Variants in DLG2 observed in about 807,000 individuals in gnomAD.
The protein encoded by DLG2 is discs large MAGUK scaffold protein 2.
A neutral mutation model predicts 132.5 loss-of-function variants in DLG2; 45 were observed. The ratio of observed to expected loss-of-function variants is 0.34; its 90% CI spans 0.27 to 0.44. The LOEUF (loss-of-function observed/expected upper bound fraction) is 0.44, where lower values mean the gene tolerates loss of function less well. DLG2 is among the 20% of genes least tolerant of loss of function. DLG2 has a pLI of 1.00. For synonymous variants in DLG2, 424 were observed against 419.6 expected (o/e 1.01, Z -0.13); for missense variants, 1,045 against 1,196.9 (o/e 0.87, Z 1.87).
intron 6 of DLG2, among the ~76,000 whole-genome samples, chr11:84,836,110 C>G (rs1181089562): frequency 6.6e-6 from 1 of 151,712 alleles, no homozygotes; most frequent in Non-Finnish European, 1.5e-5. Context: ...GCTCAGCTCT[C>G]TCATTATCTC....
chr11:84,743,971 G>T (rs1485089821), intron 6 of DLG2, among the ~76,000 whole-genome samples: 1 of 152,072 alleles, frequency 6.6e-6, no homozygotes, highest in Non-Finnish European at 1.5e-5. Flanking sequence ...TGATCCACCT[G>T]TCTCGGCCTC....
intron 7 of DLG2, among the ~76,000 whole-genome samples, chr11:84,312,624 C>T (rs1394523462): frequency 6.6e-6 from 1 of 152,012 alleles, no homozygotes; most frequent in Non-Finnish European, 1.5e-5. Context: ...TGGTTATCTG[C>T]AGCACTCTCT....
rs1235464150 is a variant in DLG2 at position 85,100,459 on chromosome 11, GA to G, written c.357+11201del. Among the ~76,000 whole-genome samples the G allele has an allele frequency of 2.0e-5, 3 of 152,230 alleles. No homozygotes were observed. The East Asian group carries it at 5.8e-4, about 29-fold the overall frequency. ...TATTGAAAGGTCATATGGCTGGTGA[GA>G]AAAAGACGATTTTAACAAGGTCTGC... is the stretch of plus-strand genomic sequence containing the variant. On this transcript the variant is annotated intron_variant, in intron 6 of 27. Transcript: ENST00000376104.
At chr11:83,806,377 C>T (rs950647575) in intron 17 of DLG2, among the ~76,000 whole-genome samples, 5 of 152,116 alleles carry the variant, frequency 3.3e-5, no homozygotes, top group African/African-American at 1.2e-4. Flanking sequence ...GACAAATTAA[C>T]TCTATACACT....
At chr11:83,538,863 C>G (rs943509515) in intron 20 of DLG2, among the ~76,000 whole-genome samples, 1 of 152,182 alleles carries the variant, frequency 6.6e-6, no homozygotes, top group Non-Finnish European at 1.5e-5. Flanking sequence ...TAGTACGTGG[C>G]ACTCAGATGC....
chr11:85,212,290 TG>T lies in DLG2; in HGVS notation c.187-57640del, dbSNP rs149974678. 4.1e-3 allele frequency among the ~76,000 whole-genome samples: 620 copies of T among 152,206 alleles called. 8 individuals carry two copies. Among genetic ancestry groups the T allele is most frequent in the African/African-American group, 0.014 (601 of 41,554 alleles). The stretch of plus-strand genomic sequence containing the variant: ...TTGAAGGTGACAAGTAATAGTCCTC[TG>T]ATTTCCACTCACTCCCTCTCCTCTC... On this transcript the variant is annotated intron_variant, in intron 4 of 27. Coordinates refer to ENST00000376104, the MANE Select transcript of DLG2 (RefSeq NM_001142699.3).
At chr11:84,979,211 C>A (rs1275579001) in intron 6 of DLG2, among the ~76,000 whole-genome samples, 2 of 150,538 alleles carry the variant, frequency 1.3e-5, no homozygotes. Context: ...CAGTCACACA[C>A]CTGTAAACTA....
intron 6 of DLG2, among the ~76,000 whole-genome samples, chr11:84,607,148 T>C (rs1239003727): frequency 6.6e-6 from 1 of 152,106 alleles, no homozygotes; most frequent in East Asian, 1.9e-4. Flanking sequence ...TTCAATGAGA[T>C]AGTGAGTCAC....
At chr11:85,177,286 T>TACACAC (rs149186312) in intron 4 of DLG2, among the ~76,000 whole-genome samples, 18 of 136,476 alleles carry the variant, frequency 1.3e-4, no homozygotes, top group African/African-American at 4.6e-4. Flanking sequence ...TATATACATA[T>TACACAC]ACACACACAC....
intron 4 of DLG2, among the ~76,000 whole-genome samples, chr11:85,158,496 G>C (rs1388803845): frequency 6.6e-6 from 1 of 152,116 alleles, no homozygotes; most frequent in African/African-American, 2.4e-5. Context: ...CCAGCTGGGA[G>C]GTCCAGACGA....
At chr11:83,596,154 A>G (rs964322021) in intron 19 of DLG2, among the ~76,000 whole-genome samples, 2 of 152,194 alleles carry the variant, frequency 1.3e-5, no homozygotes, top group Admixed American at 1.3e-4. Context: ...TTTAACTATG[A>G]CTATGACTGT....
chr11:84,931,180 CAG>C (rs1017065602), intron 6 of DLG2, among the ~76,000 whole-genome samples: 5 of 152,052 alleles, frequency 3.3e-5, no homozygotes, highest in African/African-American at 1.2e-4. Context: ...ATTTTAAGTT[CAG>C]GGGTTCATGT....
intron 6 of DLG2, among the ~76,000 whole-genome samples, chr11:84,923,807 A>G (rs56737120): frequency 0.16 from 25,030 of 152,114 alleles, 2,176 homozygotes; most frequent in South Asian, 0.23. Context: ...CTGTGGTTAA[A>G]GGACTGAGAA....
At chr11:85,191,143 TGCGCGCGCGCGC>T (rs1158931890) in intron 4 of DLG2, among the ~76,000 whole-genome samples, 1 of 141,216 alleles carries the variant, frequency 7.1e-6, no homozygotes, top group African/African-American at 2.7e-5. Context: ...TCTATATGCA[TGCGCGCGCGCGC>T]ACGCGCGCAC....
chr11:84,542,655 G>A (rs1046264495), intron 6 of DLG2, among the ~76,000 whole-genome samples: 2 of 152,018 alleles, frequency 1.3e-5, no homozygotes, highest in Admixed American at 1.3e-4. Context: ...CAAGAAGTTG[G>A]TAAAAACAAA....
intron 6 of DLG2, among the ~76,000 whole-genome samples, chr11:84,613,722 C>T (rs1309381238): frequency 1.3e-5 from 2 of 152,066 alleles, no homozygotes; most frequent in African/African-American, 4.8e-5. Context: ...GTTTTTTATC[C>T]TTCTTTAGAA....
intron 7 of DLG2, among the ~76,000 whole-genome samples, chr11:84,455,639 A>T (rs1490647790): frequency 1.3e-5 from 2 of 151,452 alleles, no homozygotes; most frequent in Admixed American, 6.6e-5. Flanking sequence ...GGTTAAAAAA[A>T]AATAGAAAGA....
At chr11:83,841,408 A>G (rs1055757215) in intron 16 of DLG2, among the ~76,000 whole-genome samples, 1 of 152,188 alleles carries the variant, frequency 6.6e-6, no homozygotes, top group Non-Finnish European at 1.5e-5. Context: ...CTCATTTCTC[A>G]TTCTGAAATT....
At chr11:83,881,929 A>G (rs2066373616) in intron 15 of DLG2, among the ~76,000 whole-genome samples, 1 of 152,206 alleles carries the variant, frequency 6.6e-6, no homozygotes, top group Non-Finnish European at 1.5e-5. Context: ...GTATGTATTA[A>G]TAGTTAAAAA....
Sources: gnomAD v4.1 joint callset for allele counts (sites outside exome capture counted in the v4.1 genomes callset) on GRCh38, gnomAD v4.1.1 for gene constraint, MANE v1.5 for transcripts, NCBI Gene and HGNC (gene_info 2026-07-23, HGNC 2026-07-21) for gene names.